ITCH: variants seen among roughly 807,000 people sequenced by gnomAD.
ITCH encodes E3 ubiquitin-protein ligase Itchy homolog.
A neutral mutation model predicts 126.8 loss-of-function variants in ITCH; 28 were observed. The ratio of observed to expected loss-of-function variants is 0.22; its 90% CI spans 0.16 to 0.30. The LOEUF (loss-of-function observed/expected upper bound fraction) is 0.30, where lower values mean the gene tolerates loss of function less well. ITCH is among the 10% of genes least tolerant of loss of function. ITCH has a pLI of 1.00. For missense variants in ITCH, 631 were observed against 1,032.4 expected, an observed-to-expected ratio of 0.61 and a Z score of 5.33; for synonymous variants, 342 against 340.0, an observed-to-expected ratio of 1.01 and a Z score of -0.06.
At chr20:34,415,461 G>GT (rs1259682656) in intron 6 of ITCH, among the ~76,000 whole-genome samples, 1 of 152,112 alleles carries the variant, frequency 6.6e-6, no homozygotes. Context: ...GGAGGCTGAG[G>GT]TGGGAGGATC....
chr20:34,438,218 A>G (rs778091051), intron 7 of ITCH, among the ~76,000 whole-genome samples: 1 of 152,150 alleles, frequency 6.6e-6, no homozygotes, highest in East Asian at 1.9e-4. Context: ...CAGCATACCT[A>G]ATAGTTCTGA....
chr20:34,435,768 G>T (rs1159669993), intron 7 of ITCH, among the ~76,000 whole-genome samples: 4 of 152,146 alleles, frequency 2.6e-5, no homozygotes, highest in Non-Finnish European at 5.9e-5. Flanking sequence ...GTTGGGCAAG[G>T]GTGAAGGAAT....
intron 20 of ITCH, among the ~76,000 whole-genome samples, chr20:34,487,667 G>A (rs570259824): frequency 7.9e-5 from 12 of 152,224 alleles, no homozygotes; most frequent in African/African-American, 1.9e-4. Flanking sequence ...GGCCAGGTGC[G>A]GTGGCTCACA....
At chr20:34,492,733 T>A (rs1346467047) in intron 23 of ITCH, 136 bp downstream of exon 23, 19 of 695,808 alleles carry the variant, frequency 2.7e-5, no homozygotes, top group Non-Finnish European at 4.7e-5. Context: ...AGCATGGATT[T>A]GTATAACCTT....
intron 7 of ITCH, among the ~76,000 whole-genome samples, chr20:34,433,384 G>A (rs1164511904): frequency 6.6e-6 from 1 of 152,124 alleles, no homozygotes; most frequent in Non-Finnish European, 1.5e-5. Flanking sequence ...CTGTCTAAAA[G>A]AAATAAGAAA....
At chr20:34,485,149 A>C (rs1989016614) in intron 20 of ITCH, among the ~76,000 whole-genome samples, 1 of 152,176 alleles carries the variant, frequency 6.6e-6, no homozygotes, top group Admixed American at 6.5e-5. Context: ...TTGCTGAGAA[A>C]TATTCCATGC....
chr20:34,465,640 A>G (rs1986980284), intron 14 of ITCH, among the ~76,000 whole-genome samples: 1 of 152,030 alleles, frequency 6.6e-6, no homozygotes, highest in African/African-American at 2.4e-5. Flanking sequence ...TTCTTGATTA[A>G]TTCCTAAGTA....
chr20:34,497,212 G>A (rs945551106), intron 23 of ITCH, among the ~76,000 whole-genome samples: 3 of 152,042 alleles, frequency 2.0e-5, no homozygotes, highest in Non-Finnish European at 2.9e-5. Context: ...GGTCAGGCTG[G>A]TCTTGAACTC....
At position 34,438,506 on chromosome 20, in the gene ITCH, A is replaced by T; in HGVS notation, c.554A>T (p.Asp185Val). Reference protein sequence around the residue: ...VSTNGSDDPEDAGAGENRRVS... With the variant: ...VSTNGSDDPEVAGAGENRRVS... ...ACAAATGGATCAGATGACCCTGAAGATGCAGGAGCTGGTGAAAATAGGAGA... is the reference window on the plus strand; with the variant it reads ...ACAAATGGATCAGATGACCCTGAAGTTGCAGGAGCTGGTGAAAATAGGAGA... The change falls in exon 8 of 25, where the codon GAT (aspartate) becomes GTT (valine). Residue 185 changes from aspartate to valine, a missense_variant. Physicochemically the swap from Asp to Val is radical, Grantham distance 152 (BLOSUM62 -3). Transcript: ENST00000374864. 2 of 1,614,026 alleles carry T rather than the reference A, an allele frequency of 1.2e-6. No homozygotes were observed. The highest frequency in any genetic ancestry group is 1.7e-6 in the Non-Finnish European group (2 of 1,180,004).
At chr20:34,407,508 A>G (rs948540966) in intron 3 of ITCH, among the ~76,000 whole-genome samples, 1 of 152,120 alleles carries the variant, frequency 6.6e-6, no homozygotes, top group Non-Finnish European at 1.5e-5. Context: ...ACCTCAGGTG[A>G]TCCACCCGCC....
intron 24 of ITCH, among the ~76,000 whole-genome samples, chr20:34,507,083 T>A (rs1204290491): frequency 1.3e-5 from 2 of 152,190 alleles, no homozygotes; most frequent in Non-Finnish European, 2.9e-5. Context: ...TCAGTTGTTT[T>A]GGGTATATAC....
intron 3 of ITCH, among the ~76,000 whole-genome samples, chr20:34,407,192 T>A (rs1392739064): frequency 6.6e-6 from 1 of 150,460 alleles, no homozygotes; most frequent in African/African-American, 2.4e-5. Context: ...TATGAGATGT[T>A]AAAAAAAAAA....
chr20:34,500,864 G>A (rs6059880), intron 23 of ITCH, among the ~76,000 whole-genome samples: 68,846 of 151,356 alleles, frequency 0.45, 16,087 homozygotes, highest in Middle Eastern at 0.5. Flanking sequence ...AATACTTTTT[G>A]TGTATTTTCA....
chr20:34,377,505 G>C (rs2037891286), intron 2 of ITCH, among the ~76,000 whole-genome samples: 2 of 152,198 alleles, frequency 1.3e-5, no homozygotes, highest in South Asian at 4.2e-4. Context: ...TATTTACCAA[G>C]GTTTGGAAAC....
At chr20:34,432,532 A>G (rs1484566086) in intron 7 of ITCH, among the ~76,000 whole-genome samples, 1 of 152,232 alleles carries the variant, frequency 6.6e-6, no homozygotes, top group Non-Finnish European at 1.5e-5. Context: ...TTTAAAAAGC[A>G]TTAACATTTT....
At chr20:34,429,355 A>G (rs1277659562) in intron 7 of ITCH, among the ~76,000 whole-genome samples, 2 of 152,224 alleles carry the variant, frequency 1.3e-5, no homozygotes, top group Admixed American at 1.3e-4. Context: ...CTCACACTTT[A>G]CTAAAATAAC....
chr20:34,463,010 A>G (rs899251818), intron 14 of ITCH, among the ~76,000 whole-genome samples: 1 of 152,096 alleles, frequency 6.6e-6, no homozygotes, highest in Non-Finnish European at 1.5e-5. Flanking sequence ...AGATATTTGC[A>G]TTGTTTCTGT....
chr20:34,469,569 G>T (rs1987421997), intron 14 of ITCH, among the ~76,000 whole-genome samples: 1 of 152,126 alleles, frequency 6.6e-6, no homozygotes, highest in Non-Finnish European at 1.5e-5. Context: ...GGATTTATAG[G>T]TGTGAACCAC....
intron 2 of ITCH, among the ~76,000 whole-genome samples, chr20:34,378,629 C>T (rs757000406): frequency 6.6e-6 from 1 of 151,620 alleles, no homozygotes; most frequent in African/African-American, 2.4e-5. Flanking sequence ...GTCAAATGAG[C>T]TAAATCTAAA....
Sources: gnomAD v4.1 joint callset for allele counts (sites outside exome capture counted in the v4.1 genomes callset) on GRCh38, gnomAD v4.1.1 for gene constraint, MANE v1.5 for transcripts, NCBI Gene and HGNC (gene_info 2026-07-23, HGNC 2026-07-21) for gene names.